The following CDH18 variants were observed in gnomAD, a reference collection of about 807,000 sequenced individuals.
The protein encoded by CDH18 is cadherin-18.
Under a neutral mutation model 67.9 loss-of-function variants are expected in CDH18, and 31 were observed. The ratio of observed to expected loss-of-function variants is 0.46; its 90% CI spans 0.34 to 0.62. The LOEUF (loss-of-function observed/expected upper bound fraction) is 0.62. CDH18 is among the 20% of genes least tolerant of loss of function. CDH18 has a pLI of 0.01. For synonymous variants in CDH18, 362 were observed against 347.2 expected, an observed-to-expected ratio of 1.04 and a Z score of -0.48; for missense variants, 890 against 975.5, an observed-to-expected ratio of 0.91 and a Z score of 1.17.
At chr5:19,608,711 A>G (rs1158366360) in intron 6 of CDH18, among the ~76,000 whole-genome samples, 1 of 151,852 alleles carries the variant, frequency 6.6e-6, no homozygotes, top group Non-Finnish European at 1.5e-5. Context: ...GTTCTTGGCA[A>G]TTTACTATCA....
At chr5:20,444,537 A>C (rs1749859709) in intron 1 of CDH18, among the ~76,000 whole-genome samples, 1 of 152,158 alleles carries the variant, frequency 6.6e-6, no homozygotes, top group Non-Finnish European at 1.5e-5. Flanking sequence ...CCTCTGTCTC[A>C]AAACAAACAA....
chr5:19,544,541 TA>T (rs1272671304), intron 8 of CDH18, among the ~76,000 whole-genome samples: 3 of 148,808 alleles, frequency 2.0e-5, no homozygotes, highest in Non-Finnish European at 4.4e-5. Flanking sequence ...AAGAATGAGA[TA>T]AAAAAATAAA....
intron 1 of CDH18, among the ~76,000 whole-genome samples, chr5:20,418,668 A>G (rs1012590236): frequency 4.6e-5 from 7 of 151,946 alleles, no homozygotes; most frequent in African/African-American, 1.7e-4. Flanking sequence ...ATTTTTTTGT[A>G]CAATTAATAA....
intron 6 of CDH18, among the ~76,000 whole-genome samples, chr5:19,594,172 G>GT (rs1561427744): frequency 2.0e-5 from 3 of 151,782 alleles, no homozygotes; most frequent in African/African-American, 7.3e-5. Flanking sequence ...GTTTTGTTTT[G>GT]TTTTTTGACA....
chr5:19,587,652 G>T (rs1412505776), intron 7 of CDH18, among the ~76,000 whole-genome samples: 1 of 85,094 alleles, frequency 1.2e-5, no homozygotes. Context: ...TGGTCTGTGT[G>T]TCTTTTTTTT....
chr5:20,518,576 A>C (rs1262301351), intron 1 of CDH18, among the ~76,000 whole-genome samples: 1 of 152,146 alleles, frequency 6.6e-6, no homozygotes, highest in African/African-American at 2.4e-5. Context: ...TCAATGGACT[A>C]AGCATTTTGT....
intron 2 of CDH18, among the ~76,000 whole-genome samples, chr5:20,250,273 A>C (rs1407716936): frequency 8.8e-6 from 1 of 113,684 alleles, no homozygotes; most frequent in Non-Finnish European, 1.8e-5. Context: ...GGAGTCTGAC[A>C]ATTTTATTTT....
intron 2 of CDH18, among the ~76,000 whole-genome samples, chr5:20,160,877 G>T (rs1433627440): frequency 2.0e-5 from 3 of 152,312 alleles, no homozygotes; most frequent in African/African-American, 7.2e-5. Context: ...ACATTGGTCC[G>T]CCAAGAATGG....
rs190016040 is a variant in CDH18 at position 20,387,010 on chromosome 5, C to A, written c.-579-131505G>T. Among the ~76,000 whole-genome samples the A allele has an allele frequency of 7.4e-4, 113 of 152,128 alleles. 1 individual carries two copies. The highest frequency in any genetic ancestry group is 1.2e-3 in the East Asian group (6 of 5,172). Reference sequence around the variant, plus strand: ...GAGTTAGATACTTAATTGGTTTTGCCTTGAATCCTATAAACCAGGGGTCAG... The same window carrying A: ...GAGTTAGATACTTAATTGGTTTTGCATTGAATCCTATAAACCAGGGGTCAG... On this transcript the variant is annotated intron_variant, in intron 1 of 14. Coordinates refer to the CDH18 transcript ENST00000507958.
chr5:19,844,992 C>G (rs1782759112), intron 2 of CDH18, among the ~76,000 whole-genome samples: 1 of 152,064 alleles, frequency 6.6e-6, no homozygotes, highest in Non-Finnish European at 1.5e-5. Context: ...TATACATATA[C>G]TGTACATTAC....
At chr5:19,746,056 A>G (rs1769952261) in intron 4 of CDH18, among the ~76,000 whole-genome samples, 1 of 152,196 alleles carries the variant, frequency 6.6e-6, no homozygotes. Context: ...TCTTTACTCA[A>G]TAAATGTGTT....
intron 1 of CDH18, among the ~76,000 whole-genome samples, chr5:20,295,736 A>C (rs1050943816): frequency 2.0e-5 from 3 of 152,112 alleles, no homozygotes; most frequent in Admixed American, 1.3e-4. Context: ...CAAAAAAAAA[A>C]AAATTCTAAG....
chr5:20,568,529 A>G (rs1758638716), intron 1 of CDH18, among the ~76,000 whole-genome samples: 1 of 152,164 alleles, frequency 6.6e-6, no homozygotes, highest in Admixed American at 6.6e-5. Context: ...TCTGCCAGCC[A>G]ACAACTAAAC....
chr5:20,113,809 G>C (rs1225999434), intron 2 of CDH18, among the ~76,000 whole-genome samples: 2 of 152,148 alleles, frequency 1.3e-5, no homozygotes, highest in Non-Finnish European at 2.9e-5. Flanking sequence ...GAGAAGTTGA[G>C]AACATGTGGA....
intron 2 of CDH18, among the ~76,000 whole-genome samples, chr5:20,056,479 T>C (rs1347936247): frequency 1.3e-4 from 5 of 38,848 alleles, no homozygotes; most frequent in South Asian, 9.8e-4. Context: ...CTTTCTTTTG[T>C]TTTTTTTTTT....
Position 20,323,591 on chromosome 5 carries a change from G to T in CDH18, c.-579-68086C>A, listed in dbSNP as rs542912719. Among the ~76,000 whole-genome samples the T allele has an allele frequency of 2.6e-5, 4 of 152,272 alleles. No individual in the cohort carries two copies. In the South Asian group the frequency reaches 8.3e-4, roughly 32 times the overall value. On this transcript the variant is annotated intron_variant, in intron 1 of 14. Coordinates refer to the CDH18 transcript ENST00000507958. ...CAACTCAGTTTAAATAGAAAATCATGCCTAACTGACCACATTATCACCCTG... is the reference window on the plus strand; with the variant it reads ...CAACTCAGTTTAAATAGAAAATCATTCCTAACTGACCACATTATCACCCTG...
chr5:20,096,235 G>C (rs1561787312), intron 2 of CDH18, among the ~76,000 whole-genome samples: 1 of 152,018 alleles, frequency 6.6e-6, no homozygotes, highest in Non-Finnish European at 1.5e-5. Flanking sequence ...ATGAACAATA[G>C]GCTATTTTTT....
chr5:20,216,079 CTGTT>C (rs1485825716), intron 2 of CDH18, among the ~76,000 whole-genome samples: 1 of 151,842 alleles, frequency 6.6e-6, no homozygotes, highest in Non-Finnish European at 1.5e-5. Context: ...CCCCATGACA[CTGTT>C]TGACAATATA....
Position 19,899,794 on chromosome 5 carries a change from G to A in CDH18, c.-256-60552C>T, listed in dbSNP as rs138963755. ...AGAAAAGCCATATGCCACAACGTGG[G>A]TGAATCTGGAGAACATTATGGTAAG... On this transcript the variant is annotated intron_variant, in intron 2 of 12. Transcript: ENST00000382275. Among the ~76,000 whole-genome samples the A allele has an allele frequency of 3.5e-3, 536 of 152,262 alleles. 1 individual carries two copies. Among genetic ancestry groups the A allele is most frequent in the African/African-American group, 0.013 (521 of 41,536 alleles).
Sources: gnomAD v4.1 joint callset for allele counts (sites outside exome capture counted in the v4.1 genomes callset) on GRCh38, gnomAD v4.1.1 for gene constraint, MANE v1.5 for transcripts, NCBI Gene and HGNC (gene_info 2026-07-23, HGNC 2026-07-21) for gene names.